Variants in PCDHGA7 observed in about 807,000 individuals in gnomAD.
PCDHGA7 encodes the protein protocadherin gamma-A7.
A neutral mutation model predicts 58.3 loss-of-function variants in PCDHGA7; 44 were observed. The ratio of observed to expected loss-of-function variants is 0.75; its 90% CI spans 0.59 to 0.97. The LOEUF (loss-of-function observed/expected upper bound fraction) is 0.97, where lower values mean the gene tolerates loss of function less well. Among genes scored for constraint, PCDHGA7 ranks in the 50% least tolerant of loss-of-function variants. PCDHGA7 has a pLI of 0.00. For synonymous variants in PCDHGA7, 516 were observed against 504.2 expected (o/e 1.02, Z -0.31); for missense variants, 1,266 against 1,188.7 (o/e 1.06, Z -0.96).
At chr5:141,449,101 G>A (rs1020443363) in intron 1 of PCDHGA7, among the ~76,000 whole-genome samples, 2 of 152,144 alleles carry the variant, frequency 1.3e-5, no homozygotes, top group African/African-American at 2.4e-5. Flanking sequence ...TACATATGCA[G>A]TATATCTTTG....
rs752680691 is a variant in PCDHGA7, at chr5:141,433,173, G to A, written c.2424+47850G>A. Reference sequence around the variant, plus strand: ...TCGGTATTTTCTAAAGACAGTCATGGGTTAATTGAGGTGAGTTTATATCAA... The same window carrying A: ...TCGGTATTTTCTAAAGACAGTCATGAGTTAATTGAGGTGAGTTTATATCAA... On this transcript the variant is annotated intron_variant, in intron 1 of 3. Coordinates refer to ENST00000518325, the MANE Select transcript of PCDHGA7 (RefSeq NM_018920.4). 3.1e-6 allele frequency: 5 copies of A among 1,610,344 alleles called. 1 individual carries two copies. In the Middle Eastern group the frequency reaches 5.0e-4, roughly 160 times the overall value.
chr5:141,409,567 G>A (rs974585499), intron 1 of PCDHGA7: 1 of 1,613,896 alleles, frequency 6.2e-7, no homozygotes, highest in African/African-American at 1.3e-5. Flanking sequence ...TCGACCAGAC[G>A]TCCTACGTGG....
In PCDHGA7 at chr5:141,476,853, A is replaced by G; in HGVS notation, c.2425-17954A>G. ...AATGACAATGCGCCTGTCTTCAACCAGTCCTTGTACCGGGCGCGCGTCCTG... is the reference window on the plus strand; with the variant it reads ...AATGACAATGCGCCTGTCTTCAACCGGTCCTTGTACCGGGCGCGCGTCCTG... On this transcript the variant is annotated intron_variant, in intron 1 of 3. Coordinates refer to ENST00000518325, the MANE Select transcript of PCDHGA7 (RefSeq NM_018920.4). This position sits in a 1 kb window ranked among gnomAD's most constrained non-coding sequence, Gnocchi z 7.6. The G allele has an allele frequency of 6.2e-7, 1 of 1,613,870 alleles. No individual in the cohort carries two copies. Among genetic ancestry groups the G allele is most frequent in the Non-Finnish European group, 8.5e-7 (1 of 1,180,042 alleles).
chr5:141,382,822 A>C lies in PCDHGA7; in HGVS notation c.-78A>C. On this transcript the variant is annotated 5_prime_UTR_variant, in exon 1 of 4. Transcript: ENST00000518325. ...GATTCTGAGCTCCCCTTCCTAAGAC[A>C]GAGGGGTCCACCCGGATACACCCGC... 1 of 1,310,696 alleles carries C rather than the reference A, an allele frequency of 7.6e-7. No individual in the cohort carries two copies. Among genetic ancestry groups the C allele is most frequent in the Non-Finnish European group, 1.1e-6 (1 of 950,188 alleles). 81.2% of individuals were successfully genotyped at this position (1,310,696 alleles called of 1,614,324 possible). A position where few individuals can be genotyped will look rare whatever the true frequency, so the allele number is the denominator to read the frequency against.
rs1231121250 is a variant in PCDHGA7 at position 141,399,544 on chromosome 5, T to G, written c.2424+14221T>G. The G allele has an allele frequency of 5.6e-6, 9 of 1,614,022 alleles. No individual in the cohort carries two copies. The highest frequency in any genetic ancestry group is 7.6e-6 in the Non-Finnish European group (9 of 1,179,882). ...GGCCTCCATCGCGCAAGTCTGCGCCTCGGACCTGGACTTGGGGTTGAACGG... is the reference window on the plus strand; with the variant it reads ...GGCCTCCATCGCGCAAGTCTGCGCCGCGGACCTGGACTTGGGGTTGAACGG... On this transcript the variant is annotated intron_variant, in intron 1 of 3. Transcript: ENST00000518325.
chr5:141,396,631 A>C lies in PCDHGA7; in HGVS notation c.2424+11308A>C, dbSNP rs1471198116. 7 of 152,348 alleles carry C rather than the reference A, an allele frequency of 4.6e-5. No homozygotes were observed. The South Asian group carries it at 6.2e-4, about 14-fold the overall frequency. 9.4% of individuals were successfully genotyped at this position (152,348 alleles called of 1,614,324 possible). On this transcript the variant is annotated intron_variant, in intron 1 of 3. Transcript: ENST00000518325. ...TGAGACTCCGTCTCAAAAAAAAAAAAAACTAATATTAATAGTAAAAACTCG... is the reference window on the plus strand; with the variant it reads ...TGAGACTCCGTCTCAAAAAAAAAAACAACTAATATTAATAGTAAAAACTCG...
intron 1 of PCDHGA7, among the ~76,000 whole-genome samples, chr5:141,437,741 CT>C (rs35124340): frequency 3.0e-3 from 425 of 141,590 alleles, no homozygotes; most frequent in African/African-American, 3.7e-3. Context: ...TTGAGTTCAC[CT>C]TTTTTTTTTT....
intron 2 of PCDHGA7, among the ~76,000 whole-genome samples, chr5:141,503,682 G>A (rs1430771639): frequency 1.3e-5 from 2 of 151,974 alleles, no homozygotes; most frequent in South Asian, 4.1e-4. Flanking sequence ...CTTTTGGGAA[G>A]GAGAATTGAG....
Position 141,384,288 on chromosome 5 carries a change from G to C in PCDHGA7, c.1389G>C (p.Glu463Asp). 6.2e-7 allele frequency: 1 copy of C among 1,613,784 alleles called. No homozygotes were observed. Among genetic ancestry groups the C allele is most frequent in the South Asian group, 1.1e-5 (1 of 91,080 alleles). The change falls in exon 1 of 4, where the codon GAG becomes GAC. Residue 463 changes from glutamate to aspartate, a missense_variant. Transcript: ENST00000518325. ...CATCCTACTCAGTCTACATCGCTGA[G>C]AACAACCCCAGAGGGGCCTCCATTT... ...PHSSYSVYIA[E>D]NNPRGASIFL...
chr5:141,477,393 G>C lies in PCDHGA7; in HGVS notation c.2425-17414G>C. ...GAGACTGTGCCAGAATACAACCTCA[G>C]CATCACCGCCCGAGACGCCGGAACC... On this transcript the variant is annotated intron_variant, in intron 1 of 3. Coordinates refer to ENST00000518325, the MANE Select transcript of PCDHGA7 (RefSeq NM_018920.4). The surrounding 1 kb of genome is among the most constrained non-coding windows in gnomAD (Gnocchi z 4.9). The C allele has an allele frequency of 6.2e-7, 1 of 1,614,098 alleles. No individual in the cohort carries two copies. The highest frequency in any genetic ancestry group is 8.5e-7 in the Non-Finnish European group (1 of 1,180,028).
Position 141,493,477 on chromosome 5 carries a change from G to A in PCDHGA7, c.2425-1330G>A, listed in dbSNP as rs1657824440. On this transcript the variant is annotated intron_variant, in intron 1 of 3. Transcript: ENST00000518325. This position sits in a 1 kb window ranked among gnomAD's most constrained non-coding sequence, Gnocchi z 4.3. ...TTCCCTTTTAGGACCTTACATGTGG[G>A]GAAAGTCTTCTGTGGCTCCTCATTT... is the stretch of plus-strand genomic sequence containing the variant. Among the ~76,000 whole-genome samples, 3 of 152,124 alleles carry A rather than the reference G, an allele frequency of 2.0e-5. No individual in the cohort carries two copies. The highest frequency in any genetic ancestry group is 6.5e-5 in the Admixed American group (1 of 15,272).
intron 1 of PCDHGA7, chr5:141,404,856 G>C (rs1405688914): frequency 6.2e-7 from 1 of 1,613,890 alleles, no homozygotes; most frequent in Admixed American, 1.7e-5. Flanking sequence ...CTGCTAGATA[G>C]AGATGCGCTC....
intron 1 of PCDHGA7, chr5:141,399,237 AGATTCTG>A: frequency 6.2e-7 from 1 of 1,614,002 alleles, no homozygotes; most frequent in South Asian, 1.1e-5. Context: ...TACATGACCA[AGATTCTG>A]GGGAAAATGG....
intron 1 of PCDHGA7, chr5:141,415,390 G>A (rs1191160575): frequency 1.2e-6 from 2 of 1,614,224 alleles, no homozygotes; most frequent in South Asian, 2.2e-5. Flanking sequence ...CTTGACAGGT[G>A]TGTCCGGCTC....
intron 1 of PCDHGA7, among the ~76,000 whole-genome samples, chr5:141,460,758 C>T (rs1292050905): frequency 6.6e-6 from 1 of 150,582 alleles, no homozygotes; most frequent in African/African-American, 2.4e-5. Context: ...TGTACATATA[C>T]ATATTGCATA....
At chr5:141,501,308 C>T (rs1220463692) in intron 2 of PCDHGA7, among the ~76,000 whole-genome samples, 2 of 151,492 alleles carry the variant, frequency 1.3e-5, no homozygotes, top group African/African-American at 2.4e-5. Context: ...CACACACACA[C>T]ACACACACAC....
chr5:141,399,925 C>A (rs779347793), intron 1 of PCDHGA7: 3 of 1,612,364 alleles, frequency 1.9e-6, no homozygotes, highest in South Asian at 1.1e-5. Flanking sequence ...CAACGCCTGG[C>A]TGTCCTACCA....
chr5:141,466,992 A>ATTT (rs985433044), intron 1 of PCDHGA7, among the ~76,000 whole-genome samples: 1 of 148,706 alleles, frequency 6.7e-6, no homozygotes, highest in African/African-American at 2.5e-5. Flanking sequence ...ACCTTTTGGC[A>ATTT]TTTTTTTGCA....
Position 141,431,248 on chromosome 5 carries a change from G to A in PCDHGA7, c.2424+45925G>A. ...CCCACGCCTGGGATCCGGATATCGGGAAGAACTCTCTGCAGAGCTACGAGC... is the reference window on the plus strand; with the variant it reads ...CCCACGCCTGGGATCCGGATATCGGAAAGAACTCTCTGCAGAGCTACGAGC... On this transcript the variant is annotated intron_variant, in intron 1 of 3. Transcript: ENST00000518325. This position sits in a 1 kb window ranked among gnomAD's most constrained non-coding sequence, Gnocchi z 4.8. 2 of 1,614,140 alleles carry A rather than the reference G, an allele frequency of 1.2e-6. No homozygotes were observed. Among genetic ancestry groups the A allele is most frequent in the Non-Finnish European group, 1.7e-6 (2 of 1,180,048 alleles).
Sources: allele counts gnomAD v4.1 joint callset (sites outside exome capture counted in the v4.1 genomes callset), GRCh38; gene constraint gnomAD v4.1.1; non-coding constraint Gnocchi (gnomAD v3.1); transcripts MANE v1.5; gene names NCBI Gene and HGNC (gene_info 2026-07-23, HGNC 2026-07-21).